Variants in PRSS54 observed in about 807,000 individuals in gnomAD.
PRSS54 encodes serine protease 54.
In PRSS54, 16 loss-of-function variants were observed where a neutral mutation model predicts 19.9. The ratio of observed to expected loss-of-function variants is 0.80; its 90% CI spans 0.54 to 1.22. The LOEUF is 1.22. Ranked by LOEUF, PRSS54 falls within the 50% of genes most tolerant of loss-of-function variation. PRSS54 has a pLI of 0.00. For synonymous variants in PRSS54, 177 were observed against 195.8 expected, an observed-to-expected ratio of 0.90 and a Z score of 0.80; for missense variants, 444 against 494.8, an observed-to-expected ratio of 0.90 and a Z score of 0.97.
chr16:58,286,030 G>T lies in PRSS54; in HGVS notation c.429C>A (p.Asn143Lys), dbSNP rs754475040. ...CGAGGAAGCAGATGGACTGGACCAG[G>T]TTGCCAAAATGCATCGCTGTGTCTG... ...LKTDTAMHFGNLVQSICFLGR... is the reference protein window; with the variant it reads ...LKTDTAMHFGKLVQSICFLGR... The change falls in exon 5 of 7, where the codon AAC becomes AAA. Residue 143 changes from asparagine (N) to lysine (K), a missense_variant. Physicochemically the swap from Asn to Lys is moderately conservative, Grantham distance 94. Coordinates refer to ENST00000567164, the MANE Select transcript of PRSS54 (RefSeq NM_001305173.2). The T allele has an allele frequency of 6.2e-7, 1 of 1,614,184 alleles. No homozygotes were observed. The highest frequency in any genetic ancestry group is 1.7e-5 in the Admixed American group (1 of 60,022).
chr16:58,293,685 T>C (rs370609405), intron 3 of PRSS54, 47 bp downstream of exon 3: 330 of 1,577,878 alleles, frequency 2.1e-4, no homozygotes, highest in Non-Finnish European at 2.6e-4. Flanking sequence ...TCCCCTTCTG[T>C]GCCACGTGTG....
intron 4 of PRSS54, among the ~76,000 whole-genome samples, chr16:58,286,496 G>GT (rs11332661): frequency 7.0e-4 from 103 of 147,712 alleles, no homozygotes; most frequent in African/African-American, 1.6e-3. Context: ...TCTATGAATA[G>GT]TTTTTTTTTT....
chr16:58,292,407 A>C (rs1272197910), intron 3 of PRSS54, among the ~76,000 whole-genome samples: 1 of 152,272 alleles, frequency 6.6e-6, no homozygotes, highest in Non-Finnish European at 1.5e-5. Context: ...AGGAGGGGTC[A>C]CGAATTCTGC....
intron 6 of PRSS54, chr16:58,281,907 A>G (rs1338306164): frequency 6.6e-6 from 1 of 152,364 alleles, no homozygotes; most frequent in African/African-American, 2.4e-5. Flanking sequence ...CAGTGGTGCA[A>G]TCTTGGCTCA....
Position 58,286,154 on chromosome 16 carries a change from G to C in PRSS54, c.305C>G (p.Pro102Arg). The change falls in exon 5 of 7, where the codon CCT (proline) becomes CGT (arginine). Residue 102 changes from proline to arginine, a missense_variant. Pro to Arg is a moderately radical substitution (Grantham distance 103, BLOSUM62 -2). Coordinates refer to ENST00000567164, the MANE Select transcript of PRSS54 (RefSeq NM_001305173.2). The part of the protein sequence containing the change: ...VVIVGISNMD[P>R]SKIAHTEYPV... Reference sequence around the variant, plus strand: ...ATACTCTGTGTGAGCAATCTTGCTAGGATCCATGTTACTTATACCCACTAT... The same window carrying C: ...ATACTCTGTGTGAGCAATCTTGCTACGATCCATGTTACTTATACCCACTAT... The C allele has an allele frequency of 6.2e-7, 1 of 1,614,180 alleles. No individual in the cohort carries two copies. Among genetic ancestry groups the C allele is most frequent in the Non-Finnish European group, 8.5e-7 (1 of 1,180,002 alleles).
At chr16:58,293,602 GT>G in intron 3 of PRSS54, 129 bp downstream of exon 3, 1 of 1,503,360 alleles carries the variant, frequency 6.7e-7, no homozygotes, top group Non-Finnish European at 8.9e-7. Flanking sequence ...AGGCCGCCCG[GT>G]GCAAAGTGCC....
chr16:58,280,145 A>C lies in PRSS54; in HGVS notation c.*79T>G, dbSNP rs183998873. 517 of 1,427,050 alleles carry C rather than the reference A, an allele frequency of 3.6e-4. 1 individual carries two copies. Among genetic ancestry groups the C allele is most frequent in the Non-Finnish European group, 4.7e-4 (490 of 1,044,288 alleles). The allele number at this position is 1,427,050 out of a possible 1,614,324, so 88.4% of individuals were successfully genotyped here. On this transcript the variant is annotated 3_prime_UTR_variant, in exon 7 of 7. Transcript: ENST00000567164. The stretch of plus-strand genomic sequence containing the variant: ...GCCCCAGTGTGCAACTATCAAAAAC[A>C]GACATCAAAACAGCATGGTGAATGC...
rs2288012 is a variant in PRSS54 at position 58,293,742 on chromosome 16, A to G, written c.75T>C (p.Tyr25=). 0.77 allele frequency: 1,234,803 copies of G among 1,611,592 alleles called. 476,666 individuals are homozygous for G. Among genetic ancestry groups the G allele is most frequent in the African/African-American group, 0.89 (66,765 of 74,970 alleles). Residue 25 remains tyrosine, a synonymous_variant, in exon 3 of 7, where the codon TAT becomes TAC. Coordinates refer to ENST00000567164, the MANE Select transcript of PRSS54 (RefSeq NM_001305173.2). ...GVLLVLLGLL[Y]SSTSCGVQKA... is the part of the protein sequence containing the mutation. ...AAGCAGCACACTCACTGGTGGAAGA[A>G]TAGAGAAGGCCGAGCAGCACCAGGA...
chr16:58,293,458 C>A (rs1448792392), intron 3 of PRSS54: 4 of 761,056 alleles, frequency 5.3e-6, no homozygotes, highest in Non-Finnish European at 6.4e-6. Flanking sequence ...AAGAGGCAGG[C>A]CTCTTGCTCA....
At position 58,293,171 on chromosome 16, in the gene PRSS54, C is replaced by T. The variant is rs147930508; in HGVS notation, c.85+561G>A. ...CTAACCCCAGGGAGGCAGGGCAGGG[C>T]GGGCTGGGACGGCAGCAAGGTGGGA... On this transcript the variant is annotated intron_variant, in intron 3 of 6. Transcript: ENST00000567164. Among the ~76,000 whole-genome samples the T allele has an allele frequency of 6.0e-3, 863 of 143,312 alleles. 10 individuals carry two copies. In the East Asian group the frequency reaches 0.064, roughly 11 times the overall value. 94.0% of individuals were successfully genotyped at this position (143,312 alleles called of 152,430 possible). A position where few individuals can be genotyped will look rare whatever the true frequency, so the allele number is the denominator to read the frequency against.
rs1441191269 is a variant in PRSS54 at position 58,280,106 on chromosome 16, G to A, written c.*118C>T. The A allele has an allele frequency of 3.9e-6, 4 of 1,032,190 alleles. No homozygotes were observed. The highest frequency in any genetic ancestry group is 2.4e-5 in the Admixed American group (1 of 41,236). 63.9% of individuals were successfully genotyped at this position (1,032,190 alleles called of 1,614,324 possible). ...AGAGCCAGCCCAGTGTATGCCATGG[G>A]CTTATCCGTGGCAGCCCCAGTGTGC... On this transcript the variant is annotated 3_prime_UTR_variant, in exon 7 of 7. Transcript: ENST00000567164.
intron 3 of PRSS54, among the ~76,000 whole-genome samples, chr16:58,292,236 C>T (rs1331627775): frequency 6.6e-6 from 1 of 152,148 alleles, no homozygotes; most frequent in East Asian, 1.9e-4. Flanking sequence ...ACCGGTGACT[C>T]CTTTTTCAGC....
At chr16:58,280,873 A>G (rs897882286) in intron 6 of PRSS54, 116 bp from the exon 7 acceptor site, 28 of 927,508 alleles carry the variant, frequency 3.0e-5, no homozygotes, top group Non-Finnish European at 3.9e-5. Context: ...CTCACTGGAA[A>G]TGGGGCAAAT....
chr16:58,284,768 T>A, intron 5 of PRSS54, 47 bp from the exon 6 acceptor site: 2 of 1,608,342 alleles, frequency 1.2e-6, no homozygotes, highest in Non-Finnish European at 1.7e-6. Context: ...GAGAAGGCAG[T>A]CCCCTATGTC....
Position 58,280,281 on chromosome 16 carries a change from C to A in PRSS54, c.1131G>T (p.Gln377His). 6.2e-7 allele frequency: 1 copy of A among 1,613,980 alleles called. No homozygotes were observed. Among genetic ancestry groups the A allele is most frequent in the Middle Eastern group, 1.7e-4 (1 of 6,060 alleles). ...RIFAGQNRLY[Q>H]PEEIILVSFV... ...AGGAAACCAAGATGATTTCTTCGGG[C>A]TGATACAACCTGTTCTGACCTGCAA... The change falls in exon 7 of 7, where the codon CAG (glutamine) becomes CAT (histidine). Residue 377 changes from glutamine to histidine, a missense_variant. Gln to His is a conservative substitution (Grantham distance 24). Transcript: ENST00000567164.
At chr16:58,285,610 C>T (rs973842940) in intron 5 of PRSS54, among the ~76,000 whole-genome samples, 2 of 151,322 alleles carry the variant, frequency 1.3e-5, no homozygotes, top group Non-Finnish European at 2.9e-5. Context: ...GGCATGGTGA[C>T]ATGTGCCTGT....
At position 58,280,485 on chromosome 16, in the gene PRSS54, A is replaced by C. The variant is rs1964691438; in HGVS notation, c.927T>G (p.Val309=). The C allele has an allele frequency of 6.2e-7, 1 of 1,614,210 alleles. No homozygotes were observed. The highest frequency in any genetic ancestry group is 8.5e-7 in the Non-Finnish European group (1 of 1,180,036). Residue 309 remains valine, a synonymous_variant, in exon 7 of 7, where the codon GTT becomes GTG. Transcript: ENST00000567164. ...TTCTTTGTCCCTGCAAGTATGATCC[A>C]ACATGGCCCAGTTCAGAATCAGAAT... ...KTYSDSELGH[V]GSYLQGQRRT...
At chr16:58,290,735 T>C (rs1439637408) in intron 4 of PRSS54, among the ~76,000 whole-genome samples, 1 of 152,232 alleles carries the variant, frequency 6.6e-6, no homozygotes, top group African/African-American at 2.4e-5. Context: ...AATGGAGGAC[T>C]CATCATTGCA....
chr16:58,284,505 T>A lies in PRSS54; in HGVS notation c.654+85A>T, dbSNP rs1051745091. The A allele has an allele frequency of 1.3e-5, 20 of 1,528,534 alleles. No homozygotes were observed. In the African/African-American group the frequency reaches 2.3e-4, roughly 18 times the overall value. The allele number at this position is 1,528,534 out of a possible 1,614,324, so 94.7% of individuals were successfully genotyped here. On this transcript the variant is annotated intron_variant, in intron 6 of 6. Transcript: ENST00000567164. The stretch of plus-strand genomic sequence containing the variant: ...AGCCCTGCCCTCACAGAGCTCCCCA[T>A]CTAGGGAAGGGGAGTCCTGAGGCTC...
Sources: allele counts gnomAD v4.1 joint callset (sites outside exome capture counted in the v4.1 genomes callset), GRCh38; gene constraint gnomAD v4.1.1; transcripts MANE v1.5; gene names NCBI Gene and HGNC (gene_info 2026-07-23, HGNC 2026-07-21).